BMPR2: variants seen among roughly 807,000 people sequenced by gnomAD.
The protein encoded by BMPR2 is bone morphogenetic protein receptor type 2.
Under a neutral mutation model 100.8 loss-of-function variants are expected in BMPR2, and 29 were observed. The observed-to-expected ratio is 0.29, with a 90% CI of 0.21 to 0.39. The LOEUF (loss-of-function observed/expected upper bound fraction) is 0.39. Among genes scored for constraint, BMPR2 ranks in the 10% least tolerant of loss-of-function variants. BMPR2 has a pLI of 1.00. For synonymous variants in BMPR2, 382 were observed against 442.3 expected, an observed-to-expected ratio of 0.86 and a Z score of 1.71; for missense variants, 1,011 against 1,274.5, an observed-to-expected ratio of 0.79 and a Z score of 3.15.
intron 3 of BMPR2, among the ~76,000 whole-genome samples, chr2:202,490,595 A>G (rs1692881234): frequency 6.6e-6 from 1 of 152,234 alleles, no homozygotes; most frequent in Non-Finnish European, 1.5e-5. Context: ...ATTTTGTTTT[A>G]AAACCAAGAT....
At chr2:202,399,077 G>A (rs1308626520) in intron 1 of BMPR2, among the ~76,000 whole-genome samples, 2 of 152,036 alleles carry the variant, frequency 1.3e-5, no homozygotes, top group African/African-American at 4.8e-5. Flanking sequence ...ATGGTGAGCC[G>A]AGATCGTGCC....
rs557235760 is a variant in BMPR2 at position 202,511,123 on chromosome 2, G to A, written c.419-2596G>A. Among the ~76,000 whole-genome samples, 5 of 152,006 alleles carry A rather than the reference G, an allele frequency of 3.3e-5. No individual in the cohort carries two copies. In the South Asian group the frequency reaches 1.0e-3, roughly 32 times the overall value. On this transcript the variant is annotated intron_variant, in intron 3 of 12. Coordinates refer to ENST00000374580, the MANE Select transcript of BMPR2 (RefSeq NM_001204.7). ...CAAAACATTTTCATCACCCCACAAG[G>A]GAAACCCTGTATCTAATAAGCAGTC...
chr2:202,434,931 ATATATT>A (rs1195327498), intron 1 of BMPR2, among the ~76,000 whole-genome samples: 209 of 95,422 alleles, frequency 2.2e-3, no homozygotes, highest in Non-Finnish European at 3.5e-3. Context: ...ATATATATAT[ATATATT>A]TATTTATTTA....
intron 1 of BMPR2, among the ~76,000 whole-genome samples, chr2:202,406,274 C>G (rs1418341736): frequency 6.6e-6 from 1 of 152,262 alleles, no homozygotes; most frequent in African/African-American, 2.4e-5. Flanking sequence ...TTCTGTGTTC[C>G]GAGTAAGTTG....
chr2:202,524,879 CA>C (rs879659625), intron 7 of BMPR2, among the ~76,000 whole-genome samples: 83 of 143,324 alleles, frequency 5.8e-4, no homozygotes, highest in Admixed American at 7.0e-4. Context: ...CTAAAAATAT[CA>C]AAAAAAAAAA....
At chr2:202,378,655 A>T (rs1039400144) in intron 1 of BMPR2, among the ~76,000 whole-genome samples, 1 of 152,316 alleles carries the variant, frequency 6.6e-6, no homozygotes, top group Non-Finnish European at 1.5e-5. Flanking sequence ...CTGTTGATTA[A>T]TGTCTGTTAA....
intron 1 of BMPR2, among the ~76,000 whole-genome samples, chr2:202,411,404 G>T (rs1230743187): frequency 6.6e-6 from 1 of 152,192 alleles, no homozygotes; most frequent in African/African-American, 2.4e-5. Flanking sequence ...GCTGAAGAAG[G>T]CAGAAACAAG....
intron 1 of BMPR2, among the ~76,000 whole-genome samples, chr2:202,406,721 A>G (rs369732543): frequency 6.6e-6 from 1 of 152,122 alleles, no homozygotes; most frequent in Non-Finnish European, 1.5e-5. Context: ...TGTCATTCCA[A>G]GTTAGGGTTA....
intron 1 of BMPR2, among the ~76,000 whole-genome samples, chr2:202,409,110 C>T (rs773251091): frequency 1.3e-5 from 2 of 152,120 alleles, no homozygotes; most frequent in African/African-American, 4.8e-5. Flanking sequence ...TTTGAGAGGC[C>T]GAGGTGGGTG....
intron 1 of BMPR2, among the ~76,000 whole-genome samples, chr2:202,413,616 C>CT (rs1691059918): frequency 6.6e-6 from 1 of 151,708 alleles, no homozygotes; most frequent in South Asian, 2.1e-4. Context: ...ACCCATCTAT[C>CT]TAATATATAT....
chr2:202,532,693 T>C lies in BMPR2; in HGVS notation c.1237T>C (p.Tyr413His), dbSNP rs1478210729. The change falls in exon 9 of 13, where the codon TAT becomes CAT. Residue 413 changes from tyrosine to histidine, a missense_variant. Coordinates refer to ENST00000374580, the MANE Select transcript of BMPR2 (RefSeq NM_001204.7). This position sits in a 1 kb window ranked among gnomAD's most constrained non-coding sequence, Gnocchi z 4.1. ...QVDMYALGLI[Y>H]WEIFMRCTDL... is the part of the protein sequence containing the mutation. ...AGACATGTATGCTCTTGGACTAATC[T>C]ATTGGGAGATATTTATGAGATGTAC... is the stretch of plus-strand genomic sequence containing the variant. 5 of 1,613,528 alleles carry C rather than the reference T, an allele frequency of 3.1e-6. No homozygotes were observed. The highest frequency in any genetic ancestry group is 3.4e-6 in the Non-Finnish European group (4 of 1,179,946).
At chr2:202,430,607 A>G (rs770198854) in intron 1 of BMPR2, among the ~76,000 whole-genome samples, 3 of 152,164 alleles carry the variant, frequency 2.0e-5, no homozygotes, top group Non-Finnish European at 4.4e-5. Flanking sequence ...CTTTTTGCCT[A>G]GCTTGCCAAC....
chr2:202,377,747 C>G (rs576212190), intron 1 of BMPR2, among the ~76,000 whole-genome samples, 197 bp downstream of exon 1: 1 of 152,242 alleles, frequency 6.6e-6, no homozygotes, highest in African/African-American at 2.4e-5. Flanking sequence ...GTGTATTTTC[C>G]TATCCCCACT....
chr2:202,412,896 T>C lies in BMPR2; in HGVS notation c.76+35346T>C, dbSNP rs570457988. Among the ~76,000 whole-genome samples the C allele has an allele frequency of 3.3e-5, 5 of 151,724 alleles. No individual in the cohort carries two copies. In the East Asian group the frequency reaches 5.8e-4, roughly 18 times the overall value. The stretch of plus-strand genomic sequence containing the variant: ...GGCAGGAAGAGGAGAAGTATTAGTT[T>C]AATGTGTACTATATGCTGTGTGTGT... On this transcript the variant is annotated intron_variant, in intron 1 of 12. Transcript: ENST00000374580.
intron 1 of BMPR2, among the ~76,000 whole-genome samples, chr2:202,422,768 G>A (rs1270977872): frequency 3.3e-5 from 5 of 151,756 alleles, no homozygotes; most frequent in South Asian, 2.1e-4. Context: ...ACTCTGCCTC[G>A]TGGGTTCAAG....
chr2:202,487,066 T>C, intron 3 of BMPR2, among the ~76,000 whole-genome samples: 1 of 152,116 alleles, frequency 6.6e-6, no homozygotes, highest in Non-Finnish European at 1.5e-5. Flanking sequence ...TTTTTATTAA[T>C]AAAAAAATGC....
At position 202,565,608 on chromosome 2, in the gene BMPR2, C is replaced by T. The variant is rs1245939535; in HGVS notation, c.*5662C>T. Reference sequence around the variant, plus strand: ...TCATTTTGCCATTAAAATTTTTTAACATATTGCAGCAAGCTTAGTTTTATG... The same window carrying T: ...TCATTTTGCCATTAAAATTTTTTAATATATTGCAGCAAGCTTAGTTTTATG... On this transcript the variant is annotated 3_prime_UTR_variant, in exon 13 of 13. Transcript: ENST00000374580. 4 of 152,514 alleles carry T rather than the reference C, an allele frequency of 2.6e-5. No homozygotes were observed. The highest frequency in any genetic ancestry group is 9.7e-5 in the African/African-American group (4 of 41,432). 9.4% of individuals were successfully genotyped at this position (152,514 alleles called of 1,614,324 possible). A position where few individuals can be genotyped will look rare whatever the true frequency, so the allele number is the denominator to read the frequency against.
At chr2:202,506,384 C>T (rs917834931) in intron 3 of BMPR2, among the ~76,000 whole-genome samples, 2 of 152,106 alleles carry the variant, frequency 1.3e-5, no homozygotes, top group Non-Finnish European at 2.9e-5. Flanking sequence ...TCTCAAACTC[C>T]TTACCTCAAA....
chr2:202,552,906 G>A lies in BMPR2; in HGVS notation c.1586+18G>A. On this transcript the variant is annotated intron_variant, in intron 11 of 12. Coordinates refer to ENST00000374580, the MANE Select transcript of BMPR2 (RefSeq NM_001204.7). ...AATGAACGGTAAGACCCTAAGGGGT[G>A]TGGCATCTATCAATCAGTATTAGAA... is the stretch of plus-strand genomic sequence containing the variant. 6.2e-7 allele frequency: 1 copy of A among 1,614,074 alleles called. No homozygotes were observed. Among genetic ancestry groups the A allele is most frequent in the South Asian group, 1.1e-5 (1 of 91,074 alleles).
Sources: gnomAD v4.1 joint callset for allele counts (sites outside exome capture counted in the v4.1 genomes callset) on GRCh38, gnomAD v4.1.1 for gene constraint, Gnocchi (gnomAD v3.1) non-coding constraint, MANE v1.5 for transcripts, NCBI Gene and HGNC (gene_info 2026-07-23, HGNC 2026-07-21) for gene names.